The following PKN2 variants were observed in gnomAD, a reference collection of about 807,000 sequenced individuals.
The protein encoded by PKN2 is protein kinase N2.
A neutral mutation model predicts 119.1 loss-of-function variants in PKN2; 38 were observed. The observed-to-expected ratio is 0.32, with a 90% CI of 0.25 to 0.42. The LOEUF (loss-of-function observed/expected upper bound fraction) is 0.42, where lower values mean the gene tolerates loss of function less well. Ranked by LOEUF, PKN2 falls within the 10% of genes least tolerant of loss-of-function variation. PKN2 has a pLI of 1.00. For missense variants in PKN2, 850 were observed against 1,165.1 expected, an observed-to-expected ratio of 0.73 and a Z score of 3.94; for synonymous variants, 390 against 384.9, an observed-to-expected ratio of 1.01 and a Z score of -0.15.
chr1:88,833,961 G>A lies in PKN2; in HGVS notation c.*513G>A, dbSNP rs1222340418. On this transcript the variant is annotated 3_prime_UTR_variant, in exon 22 of 22. Coordinates refer to ENST00000370521, the MANE Select transcript of PKN2 (RefSeq NM_006256.4). ...GTAATATCAAAAACCGTGGCAGTTT[G>A]TATACAACTCGGGGCTTGATTTTTT... 2 of 151,642 alleles carry A rather than the reference G, an allele frequency of 1.3e-5. No individual in the cohort carries two copies. The highest frequency in any genetic ancestry group is 2.9e-5 in the Non-Finnish European group (2 of 67,934). The allele number at this position is 151,642 out of a possible 1,614,324, so 9.4% of individuals were successfully genotyped here.
intron 1 of PKN2, among the ~76,000 whole-genome samples, chr1:88,686,647 G>A (rs1484490791): frequency 1.3e-5 from 2 of 151,988 alleles, no homozygotes; most frequent in Non-Finnish European, 2.9e-5. Flanking sequence ...AAAAGTTATT[G>A]CATTTAAACT....
intron 1 of PKN2, among the ~76,000 whole-genome samples, chr1:88,708,741 C>T (rs991196060): frequency 2.6e-5 from 4 of 151,048 alleles, no homozygotes; most frequent in African/African-American, 4.9e-5. Flanking sequence ...GCATTGCAGG[C>T]GTGAGCCACC....
At chr1:88,758,011 A>C (rs1669275912) in intron 2 of PKN2, among the ~76,000 whole-genome samples, 1 of 142,802 alleles carries the variant, frequency 7.0e-6, no homozygotes, top group Admixed American at 7.1e-5. Context: ...ACTGCACTAC[A>C]ACCTGGGCGA....
chr1:88,728,056 G>C (rs1023043396), intron 1 of PKN2, among the ~76,000 whole-genome samples: 4 of 143,978 alleles, frequency 2.8e-5, no homozygotes, highest in African/African-American at 1.0e-4. Context: ...TTGGGTTACA[G>C]ACTTCTGGCA....
chr1:88,757,010 G>A (rs1669233310), intron 2 of PKN2, among the ~76,000 whole-genome samples: 1 of 151,876 alleles, frequency 6.6e-6, no homozygotes, highest in Admixed American at 6.6e-5. Context: ...CTCAAACCTG[G>A]GCAGCCTCAA....
At chr1:88,760,915 A>G (rs1356332168) in intron 3 of PKN2, among the ~76,000 whole-genome samples, 1 of 152,160 alleles carries the variant, frequency 6.6e-6, no homozygotes, top group Non-Finnish European at 1.5e-5. Flanking sequence ...CGTAAATCTA[A>G]AATTATTTAA....
At chr1:88,691,062 T>A (rs1666314859) in intron 1 of PKN2, among the ~76,000 whole-genome samples, 1 of 152,022 alleles carries the variant, frequency 6.6e-6, no homozygotes, top group Non-Finnish European at 1.5e-5. Flanking sequence ...TTTATTTATT[T>A]TATTTTTATT....
Position 88,740,963 on chromosome 1 carries a change from AT to A in PKN2, c.49-22del, listed in dbSNP as rs754404397. 3 of 1,511,532 alleles carry A rather than the reference AT, an allele frequency of 2.0e-6. No homozygotes were observed. The East Asian group carries it at 6.8e-5, about 34-fold the overall frequency. The allele number at this position is 1,511,532 out of a possible 1,614,324, so 93.6% of individuals were successfully genotyped here. On this transcript the variant is annotated intron_variant, in intron 1 of 21. Coordinates refer to ENST00000370521, the MANE Select transcript of PKN2 (RefSeq NM_006256.4). ...GCAGCCAACTCTCCTAAACTCCCAC[AT>A]TTGTATGTTTATTTTTTCTGTAGGG...
At chr1:88,694,987 C>T (rs535390305) in intron 1 of PKN2, among the ~76,000 whole-genome samples, 111 of 152,122 alleles carry the variant, frequency 7.3e-4, no homozygotes, top group Non-Finnish European at 1.4e-3. Context: ...ATTAGCCGGG[C>T]GTGGTGGCGG....
intron 6 of PKN2, 57 bp downstream of exon 6, chr1:88,771,936 A>G: frequency 8.7e-7 from 1 of 1,147,272 alleles, no homozygotes; most frequent in South Asian, 1.4e-5. Flanking sequence ...ACTGGTTCTG[A>G]TTTAATAATT....
At chr1:88,745,596 A>T (rs1668738837) in intron 2 of PKN2, among the ~76,000 whole-genome samples, 2 of 152,180 alleles carry the variant, frequency 1.3e-5, no homozygotes, top group African/African-American at 4.8e-5. Flanking sequence ...AAGATGGTAC[A>T]AATAAATGGA....
chr1:88,815,877 T>C (rs1045747542), intron 16 of PKN2, among the ~76,000 whole-genome samples: 1 of 152,202 alleles, frequency 6.6e-6, no homozygotes, highest in Non-Finnish European at 1.5e-5. Flanking sequence ...GGTGGCTCCA[T>C]GCCTATAATC....
chr1:88,712,569 T>C (rs994452551), intron 1 of PKN2, among the ~76,000 whole-genome samples: 1 of 152,194 alleles, frequency 6.6e-6, no homozygotes, highest in African/African-American at 2.4e-5. Context: ...TTATTAAGAA[T>C]GTAATGATGT....
At chr1:88,812,238 G>A (rs944412219) in intron 15 of PKN2, among the ~76,000 whole-genome samples, 9 of 152,136 alleles carry the variant, frequency 5.9e-5, no homozygotes, top group African/African-American at 2.2e-4. Context: ...TAAGACATCT[G>A]TGCAGATACC....
intron 8 of PKN2, among the ~76,000 whole-genome samples, chr1:88,800,875 A>G (rs1194056116): frequency 3.9e-5 from 6 of 152,172 alleles, no homozygotes; most frequent in Admixed American, 3.9e-4. Context: ...TTGATTCTAG[A>G]TTCAATTCAT....
At chr1:88,761,443 AT>A (rs1030761673) in intron 3 of PKN2, among the ~76,000 whole-genome samples, 7 of 151,392 alleles carry the variant, frequency 4.6e-5, no homozygotes, top group African/African-American at 1.7e-4. Flanking sequence ...AGAGGGAAAT[AT>A]TTTTTTTCTT....
chr1:88,832,536 C>T (rs970456158), intron 19 of PKN2, among the ~76,000 whole-genome samples: 2 of 151,856 alleles, frequency 1.3e-5, no homozygotes, highest in Admixed American at 6.6e-5. Flanking sequence ...GGTGTATTCC[C>T]TCTGTAATAG....
At chr1:88,692,312 A>G (rs1666367651) in intron 1 of PKN2, among the ~76,000 whole-genome samples, 1 of 152,134 alleles carries the variant, frequency 6.6e-6, no homozygotes, top group South Asian at 2.1e-4. Flanking sequence ...GTTTGTAATT[A>G]TAAGCAAAGA....
intron 1 of PKN2, among the ~76,000 whole-genome samples, chr1:88,699,367 G>T (rs570383534): frequency 6.6e-6 from 1 of 151,602 alleles, no homozygotes; most frequent in Non-Finnish European, 1.5e-5. Context: ...TTTTTTTTGC[G>T]TATAGGCTAG....
Sources: gnomAD v4.1 joint callset for allele counts (sites outside exome capture counted in the v4.1 genomes callset) on GRCh38, gnomAD v4.1.1 for gene constraint, MANE v1.5 for transcripts, NCBI Gene and HGNC (gene_info 2026-07-23, HGNC 2026-07-21) for gene names.